The following PCDHA3 variants were observed in gnomAD, a reference collection of about 807,000 sequenced individuals.
PCDHA3 encodes the protein protocadherin alpha-3.
PCDHA3 carries 41 observed loss-of-function variants against 62.2 expected under a neutral mutation model. The ratio of observed to expected loss-of-function variants is 0.66; its 90% CI spans 0.51 to 0.86. PCDHA3 has a LOEUF of 0.86. Ranked by LOEUF, PCDHA3 falls within the 40% of genes least tolerant of loss-of-function variation. The pLI is 0.00. For missense variants in PCDHA3, 1,304 were observed against 1,241.2 expected (o/e 1.05, Z -0.76); for synonymous variants, 640 against 555.4 (o/e 1.15, Z -2.14).
intron 1 of PCDHA3, among the ~76,000 whole-genome samples, chr5:140,874,903 C>T (rs543752012): frequency 1.3e-5 from 2 of 152,172 alleles, no homozygotes; most frequent in South Asian, 4.1e-4. Context: ...TAAAATCTTA[C>T]GATGGAGTGC....
At position 140,836,487 on chromosome 5, in the gene PCDHA3, A is replaced by G. The variant is rs1774512813; in HGVS notation, c.2394+32896A>G. On this transcript the variant is annotated intron_variant, in intron 1 of 3. Transcript: ENST00000522353. The stretch of plus-strand genomic sequence containing the variant: ...GGTGGATGTCAACGTGTACCTGATC[A>G]TCGCCATCTGCGCGGTGTCCAGTCT... 1 of 1,613,880 alleles carries G rather than the reference A, an allele frequency of 6.2e-7. No individual in the cohort carries two copies. The highest frequency in any genetic ancestry group is 8.5e-7 in the Non-Finnish European group (1 of 1,179,854).
At chr5:140,867,473 GA>G (rs1319417026) in intron 1 of PCDHA3, 2 of 151,968 alleles carry the variant, frequency 1.3e-5, no homozygotes, top group Non-Finnish European at 2.9e-5. Flanking sequence ...ACAACATTGG[GA>G]AAAGAGTAAA....
intron 1 of PCDHA3, chr5:140,969,195 A>G: frequency 6.2e-7 from 1 of 1,614,158 alleles, no homozygotes; most frequent in Non-Finnish European, 8.5e-7. Flanking sequence ...ATGTTTTACA[A>G]TACAGGGGCC....
At chr5:140,842,429 G>A (rs2150335893) in intron 1 of PCDHA3, 3 of 1,613,436 alleles carry the variant, frequency 1.9e-6, no homozygotes, top group Non-Finnish European at 1.7e-6. Flanking sequence ...TACTGTCATC[G>A]CCCTAATTAG....
intron 3 of PCDHA3, among the ~76,000 whole-genome samples, chr5:140,998,062 C>A (rs2097795439): frequency 6.6e-6 from 1 of 152,176 alleles, no homozygotes; most frequent in Non-Finnish European, 1.5e-5. Flanking sequence ...TCATCATCAA[C>A]AGACTTAGCC....
At chr5:140,871,482 T>C (rs535779359) in intron 1 of PCDHA3, 1 of 1,595,438 alleles carries the variant, frequency 6.3e-7, no homozygotes. Flanking sequence ...CAGGGTCAAA[T>C]CACCCCGGAC....
In PCDHA3 at chr5:140,848,503, A is replaced by G. The variant is rs2150411513; in HGVS notation, c.2394+44912A>G. 2.1e-5 allele frequency: 33 copies of G among 1,586,850 alleles called. 4 individuals are homozygous for G. Among genetic ancestry groups the G allele is most frequent in the African/African-American group, 4.1e-5 (3 of 74,020 alleles). Reference sequence around the variant, plus strand: ...GAAGACTGAGTATTTGAAATGTTATACTCAAGTCGAGGAGATCCAGAGGGT... The same window carrying G: ...GAAGACTGAGTATTTGAAATGTTATGCTCAAGTCGAGGAGATCCAGAGGGT... On this transcript the variant is annotated intron_variant, in intron 1 of 3. Coordinates refer to ENST00000522353, the MANE Select transcript of PCDHA3 (RefSeq NM_018906.3).
rs147693617 is a variant in PCDHA3 at position 140,830,361 on chromosome 5, G to T, written c.2394+26770G>T. ...TCGTACTCGCAGCAGAGGCGGCAGA[G>T]GGTGTGCTCCGGGGAGGGCCCACCC... On this transcript the variant is annotated intron_variant, in intron 1 of 3. Transcript: ENST00000522353. 2.5e-6 allele frequency: 4 copies of T among 1,614,008 alleles called. No homozygotes were observed. The African/African-American group carries it at 5.3e-5, about 22-fold the overall frequency.
intron 1 of PCDHA3, among the ~76,000 whole-genome samples, chr5:140,938,125 A>T (rs1339364898): frequency 6.6e-6 from 1 of 152,120 alleles, no homozygotes; most frequent in Non-Finnish European, 1.5e-5. Context: ...TTTTTTAAAA[A>T]AATAGAGATA....
At chr5:140,938,709 T>C (rs1473474040) in intron 1 of PCDHA3, among the ~76,000 whole-genome samples, 2 of 152,176 alleles carry the variant, frequency 1.3e-5, no homozygotes, top group African/African-American at 2.4e-5. Context: ...ATGTTTATGA[T>C]AGAAACGCGT....
chr5:140,890,096 C>T (rs967857035), intron 1 of PCDHA3, among the ~76,000 whole-genome samples: 1 of 152,124 alleles, frequency 6.6e-6, no homozygotes, highest in Non-Finnish European at 1.5e-5. Flanking sequence ...AAATTTATTC[C>T]CAACTCTGGA....
rs782251225 is a variant in PCDHA3 at position 140,801,822 on chromosome 5, T to TA, written c.626dup (p.Tyr209Ter). ...AAATCGAGAGGACACTCCTAAGCATTATTTACTAATAACAGCAATTGATGG... is the reference window on the plus strand; with the variant it reads ...AAATCGAGAGGACACTCCTAAGCATTAATTTACTAATAACAGCAATTGATGG... ...NLNREDTPKHYLLITAIDGGK... is the reference protein window; with the variant it reads ...NLNREDTPKH Residue 209 changes from tyrosine (Y) to a stop codon, truncating the protein, a stop_gained and frameshift_variant, in exon 1 of 4, where the codon TAT becomes TAAT. Coordinates refer to ENST00000522353, the MANE Select transcript of PCDHA3 (RefSeq NM_018906.3). LOFTEE classifies it high-confidence loss of function. The TA allele has an allele frequency of 9.9e-6, 16 of 1,614,032 alleles. No homozygotes were observed. In the East Asian group the frequency reaches 3.6e-4, roughly 36 times the overall value.
At chr5:140,884,634 G>A in intron 1 of PCDHA3, 1 of 1,612,414 alleles carries the variant, frequency 6.2e-7, no homozygotes, top group Non-Finnish European at 8.5e-7. Context: ...ACAGGCCAGA[G>A]GGAGGAGGAC....
chr5:140,841,285 T>G (rs2150312602), intron 1 of PCDHA3: 2 of 1,550,288 alleles, frequency 1.3e-6, no homozygotes, highest in East Asian at 2.3e-5. Context: ...ATCTTTATAT[T>G]AAGATAATAT....
chr5:140,961,400 C>T (rs929653995), intron 1 of PCDHA3, among the ~76,000 whole-genome samples: 10 of 152,186 alleles, frequency 6.6e-5, no homozygotes, highest in African/African-American at 2.4e-4. Context: ...TTAGTAAACA[C>T]TTTTTGGCAT....
chr5:140,966,990 G>A, intron 1 of PCDHA3: 1 of 1,604,280 alleles, frequency 6.2e-7, no homozygotes, highest in Non-Finnish European at 8.5e-7. Context: ...TTGGGGCCGG[G>A]TTGCTTGCGC....
intron 1 of PCDHA3, chr5:140,850,690 G>C (rs2150494322): frequency 3.8e-6 from 6 of 1,598,286 alleles, no homozygotes; most frequent in Admixed American, 1.7e-5. Flanking sequence ...GAGGGCGAGT[G>C]CGCGCCTGGC....
At chr5:140,926,957 T>G in intron 1 of PCDHA3, 1 of 1,602,892 alleles carries the variant, frequency 6.2e-7, no homozygotes, top group Non-Finnish European at 8.5e-7. Context: ...GCGGGACAGC[T>G]CGAGTACTCA....
intron 1 of PCDHA3, chr5:140,835,872 C>T: frequency 6.2e-7 from 1 of 1,612,050 alleles, no homozygotes; most frequent in Non-Finnish European, 8.5e-7. Flanking sequence ...GCTGGTGGAG[C>T]TGCGGGTGGG....
Sources: allele counts gnomAD v4.1 joint callset (sites outside exome capture counted in the v4.1 genomes callset), GRCh38; gene constraint gnomAD v4.1.1; transcripts MANE v1.5; gene names NCBI Gene and HGNC (gene_info 2026-07-23, HGNC 2026-07-21).